The following DAB1 variants were observed in gnomAD, a reference collection of about 807,000 sequenced individuals.
DAB1 encodes DAB adaptor protein 1.
A neutral mutation model predicts 64.6 loss-of-function variants in DAB1; 15 were observed. The observed-to-expected ratio is 0.23, with a 90% CI of 0.16 to 0.36. The LOEUF is 0.36. Ranked by LOEUF, DAB1 falls within the 10% of genes least tolerant of loss-of-function variation. The pLI is 1.00. For synonymous variants in DAB1, 235 were observed against 251.9 expected (o/e 0.93, Z 0.64); for missense variants, 596 against 706.7 (o/e 0.84, Z 1.78).
At chr1:57,075,621 T>A (rs1651918659) in intron 4 of DAB1, among the ~76,000 whole-genome samples, 1 of 152,218 alleles carries the variant, frequency 6.6e-6, no homozygotes. Context: ...TCATGCAAAT[T>A]CTTGTTCACT....
intron 3 of DAB1, among the ~76,000 whole-genome samples, chr1:58,356,324 A>G (rs1341070362): frequency 6.6e-6 from 1 of 152,198 alleles, no homozygotes; most frequent in Non-Finnish European, 1.5e-5. Context: ...TCACTAGAAC[A>G]CTATAGCTGG....
chr1:57,895,678 A>G (rs1026876427), intron 5 of DAB1, among the ~76,000 whole-genome samples: 1 of 152,206 alleles, frequency 6.6e-6, no homozygotes, highest in Non-Finnish European at 1.5e-5. Context: ...TTCCTGGCAC[A>G]GTAATCTAGT....
At chr1:57,238,498 A>G (rs1303343225) in intron 2 of DAB1, among the ~76,000 whole-genome samples, 2 of 152,110 alleles carry the variant, frequency 1.3e-5, no homozygotes, top group Non-Finnish European at 2.9e-5. Flanking sequence ...GCTCACTTCT[A>G]TTGGAGAGTT....
intron 6 of DAB1, among the ~76,000 whole-genome samples, chr1:57,690,512 G>A (rs913944259): frequency 6.6e-6 from 1 of 152,116 alleles, no homozygotes; most frequent in Non-Finnish European, 1.5e-5. Flanking sequence ...CTTTTGCCAT[G>A]ACTGAAAGTT....
intron 1 of DAB1, among the ~76,000 whole-genome samples, chr1:57,325,022 T>G (rs1424291665): frequency 6.6e-6 from 1 of 152,244 alleles, no homozygotes; most frequent in Non-Finnish European, 1.5e-5. Flanking sequence ...ATGTTTGTTT[T>G]GACCTCCAAA....
chr1:58,467,385 C>T (rs536737701), intron 3 of DAB1, among the ~76,000 whole-genome samples: 1 of 152,262 alleles, frequency 6.6e-6, no homozygotes, highest in South Asian at 2.1e-4. Context: ...TAGGCTTTGC[C>T]GTCTGCACTA....
chr1:57,379,183 T>A lies in DAB1; in HGVS notation c.-137+44747A>T, dbSNP rs535657675. Among the ~76,000 whole-genome samples, 147 of 152,252 alleles carry A rather than the reference T, an allele frequency of 9.7e-4. 2 individuals are homozygous for A. Among genetic ancestry groups the A allele is most frequent in the Non-Finnish European group, 4.4e-5 (3 of 68,024 alleles). Reference sequence around the variant, plus strand: ...AGCTAAGAAACCCCCTCCCCCACCATCTTTTCCTATTTCGTACATTGAAGT... The same window carrying A: ...AGCTAAGAAACCCCCTCCCCCACCAACTTTTCCTATTTCGTACATTGAAGT... On this transcript the variant is annotated intron_variant, in intron 1 of 14. Transcript: ENST00000371236.
intron 1 of DAB1, among the ~76,000 whole-genome samples, chr1:57,305,592 CCTATA>C (rs1674068600): frequency 6.6e-6 from 1 of 152,166 alleles, no homozygotes; most frequent in Non-Finnish European, 1.5e-5. Flanking sequence ...CCTATCACAG[CCTATA>C]TTCTTCAAAA....
At chr1:57,774,852 T>A (rs1424502269) in intron 6 of DAB1, among the ~76,000 whole-genome samples, 1 of 151,792 alleles carries the variant, frequency 6.6e-6, no homozygotes, top group East Asian at 1.9e-4. Context: ...GGTACTATCT[T>A]CCTCAAATGT....
At position 57,145,379 on chromosome 1, in the gene DAB1, C is replaced by G; in HGVS notation, c.118G>C (p.Val40Leu). Reference protein sequence around the residue: ...TLIKRFKGEGVRYKAKLIGID... With the variant: ...TLIKRFKGEGLRYKAKLIGID... ...CCGATCAATTTGGCTTTGTACCGGA[C>G]CCCTTCACCTTTAAACCTCTTTATC... The change falls in exon 3 of 15, where the codon GTC becomes CTC. Residue 40 changes from valine (V) to leucine (L), a missense_variant. By Grantham distance (32) the Val-to-Leu change is conservative. Transcript: ENST00000371236. 6.2e-7 allele frequency: 1 copy of G among 1,614,038 alleles called. No individual in the cohort carries two copies.
intron 5 of DAB1, among the ~76,000 whole-genome samples, chr1:58,120,105 A>G (rs1314890293): frequency 6.6e-6 from 1 of 152,184 alleles, no homozygotes; most frequent in African/African-American, 2.4e-5. Flanking sequence ...CTGCAGAGAT[A>G]TCAACTTGAA....
At chr1:57,070,825 A>G in intron 7 of DAB1, 198 bp downstream of exon 7, 1 of 610,114 alleles carries the variant, frequency 1.6e-6, no homozygotes, top group South Asian at 1.9e-5. Context: ...AAATCCCAAG[A>G]TACCGATGCC....
intron 5 of DAB1, among the ~76,000 whole-genome samples, chr1:58,072,288 T>C (rs188878134): frequency 2.8e-4 from 43 of 152,300 alleles, no homozygotes; most frequent in African/African-American, 1.0e-3. Context: ...TTTTGGGCCA[T>C]TCATAGTGTT....
chr1:58,369,218 A>G lies in DAB1; in HGVS notation n.258-25815T>C, dbSNP rs74905831. On this transcript the variant is annotated intron_variant and non_coding_transcript_variant, in intron 3 of 20. Transcript: ENST00000485760. ...TGGCTTTTTTCCCCCTCCATGTTTCATATTCCCTCTCCTTTACCAGTGTGT... is the reference window on the plus strand; with the variant it reads ...TGGCTTTTTTCCCCCTCCATGTTTCGTATTCCCTCTCCTTTACCAGTGTGT... Among the ~76,000 whole-genome samples, 847 of 152,166 alleles carry G rather than the reference A, an allele frequency of 5.6e-3. 7 individuals are homozygous for G. Among genetic ancestry groups the G allele is most frequent in the African/African-American group, 0.019 (793 of 41,522 alleles).
intron 4 of DAB1, among the ~76,000 whole-genome samples, chr1:58,178,998 G>T (rs1313867550): frequency 1.3e-5 from 2 of 152,144 alleles, no homozygotes; most frequent in African/African-American, 4.8e-5. Context: ...TCAGCTAGAA[G>T]AAGTTCCTTC....
intron 3 of DAB1, among the ~76,000 whole-genome samples, chr1:58,411,467 G>A (rs1331150625): frequency 1.3e-5 from 2 of 152,198 alleles, no homozygotes; most frequent in African/African-American, 2.4e-5. Flanking sequence ...ATGCAATGAA[G>A]TAAGTGTACA....
At chr1:58,305,600 C>G (rs560220903) in intron 4 of DAB1, among the ~76,000 whole-genome samples, 6 of 141,808 alleles carry the variant, frequency 4.2e-5, no homozygotes, top group African/African-American at 1.5e-4. Flanking sequence ...TATCTCCTTA[C>G]AATGCATGCA....
At chr1:57,039,584 C>A (rs534695548) in intron 9 of DAB1, among the ~76,000 whole-genome samples, 3 of 152,312 alleles carry the variant, frequency 2.0e-5, no homozygotes, top group African/African-American at 7.2e-5. Context: ...CAAGGCTGGA[C>A]TGTTCTAGGA....
At chr1:57,824,566 G>A (rs918080309), downstream of DAB1, among the ~76,000 whole-genome samples, 2 of 152,082 alleles carry the variant, frequency 1.3e-5, no homozygotes, top group Non-Finnish European at 2.9e-5. Flanking sequence ...TCTCAGCACA[G>A]GATTTATATT....
Sources: gnomAD v4.1 joint callset for allele counts (sites outside exome capture counted in the v4.1 genomes callset) on GRCh38, gnomAD v4.1.1 for gene constraint, MANE v1.5 for transcripts, NCBI Gene and HGNC (gene_info 2026-07-23, HGNC 2026-07-21) for gene names.